The following GPC6 variants were observed in gnomAD, a reference collection of about 807,000 sequenced individuals.
The protein encoded by GPC6 is glypican-6.
GPC6 carries 14 observed loss-of-function variants against 55.2 expected under a neutral mutation model. The ratio of observed to expected loss-of-function variants is 0.25; its 90% confidence interval spans 0.17 to 0.40. GPC6 has a LOEUF of 0.40. Among genes scored for constraint, GPC6 ranks in the 10% least tolerant of loss-of-function variants. GPC6 has a pLI of 1.00. For synonymous variants in GPC6, 278 were observed against 259.6 expected (o/e 1.07, Z -0.68); for missense variants, 641 against 708.5 (o/e 0.90, Z 1.08).
chr13:93,380,942 A>T (rs1050908974), intron 1 of GPC6, among the ~76,000 whole-genome samples: 2 of 152,154 alleles, frequency 1.3e-5, no homozygotes, highest in African/African-American at 4.8e-5. Flanking sequence ...AACTCCAGAT[A>T]GTTGCCTAAA....
At chr13:93,671,102 C>G (rs1475734789) in intron 2 of GPC6, among the ~76,000 whole-genome samples, 1 of 152,086 alleles carries the variant, frequency 6.6e-6, no homozygotes, top group Non-Finnish European at 1.5e-5. Flanking sequence ...AAAGTCTGTG[C>G]CATGAACAAC....
chr13:94,298,911 A>T (rs1875490744), intron 5 of GPC6, among the ~76,000 whole-genome samples: 1 of 152,202 alleles, frequency 6.6e-6, no homozygotes, highest in African/African-American at 2.4e-5. Flanking sequence ...CCTATCATAG[A>T]CACTTGATGA....
At chr13:93,860,606 T>C (rs1021211299) in intron 3 of GPC6, among the ~76,000 whole-genome samples, 7 of 151,644 alleles carry the variant, frequency 4.6e-5, no homozygotes, top group Non-Finnish European at 1.0e-4. Context: ...TTGGATGTGA[T>C]GATGGACTTG....
intron 3 of GPC6, among the ~76,000 whole-genome samples, chr13:93,978,270 G>A (rs1473835255): frequency 6.6e-6 from 1 of 152,150 alleles, no homozygotes; most frequent in Non-Finnish European, 1.5e-5. Flanking sequence ...TTAGCCCAGT[G>A]AGATCTGTGT....
intron 2 of GPC6, among the ~76,000 whole-genome samples, chr13:93,790,534 T>C (rs1184236588): frequency 6.6e-6 from 1 of 152,158 alleles, no homozygotes; most frequent in Non-Finnish European, 1.5e-5. Flanking sequence ...CAATTCTCTC[T>C]TTTGAGTTAG....
chr13:94,386,490 T>G (rs1880416513), intron 7 of GPC6, among the ~76,000 whole-genome samples: 1 of 151,300 alleles, frequency 6.6e-6, no homozygotes, highest in Non-Finnish European at 1.5e-5. Flanking sequence ...CTCAGAAGGC[T>G]GAGGCAGGAG....
chr13:94,116,817 A>G (rs1211849760), intron 4 of GPC6, among the ~76,000 whole-genome samples: 2 of 152,086 alleles, frequency 1.3e-5, no homozygotes, highest in Non-Finnish European at 2.9e-5. Context: ...AAAAGGAGTA[A>G]TGGTTTTCAA....
intron 4 of GPC6, among the ~76,000 whole-genome samples, chr13:94,274,204 G>A (rs935809141): frequency 7.2e-5 from 11 of 152,076 alleles, no homozygotes; most frequent in South Asian, 2.1e-4. Context: ...ATTATTTTCC[G>A]CCACAATTTG....
chr13:93,876,568 T>C (rs1190038357), intron 3 of GPC6, among the ~76,000 whole-genome samples: 1 of 152,086 alleles, frequency 6.6e-6, no homozygotes, highest in Middle Eastern at 3.2e-3. Context: ...TAATACTTAT[T>C]TCTCTTACCT....
intron 1 of GPC6, among the ~76,000 whole-genome samples, chr13:93,455,199 G>A (rs1424364644): frequency 6.6e-6 from 1 of 152,168 alleles, no homozygotes; most frequent in African/African-American, 2.4e-5. Flanking sequence ...TGAGGGAGCC[G>A]GCTCCGGCCT....
intron 3 of GPC6, among the ~76,000 whole-genome samples, chr13:93,947,804 G>A (rs1566617444): frequency 6.6e-6 from 1 of 151,926 alleles, no homozygotes. Context: ...ATAGATTGTG[G>A]AAACCTTGAT....
At chr13:93,371,906 C>T (rs931664081) in intron 1 of GPC6, among the ~76,000 whole-genome samples, 1 of 152,118 alleles carries the variant, frequency 6.6e-6, no homozygotes, top group Non-Finnish European at 1.5e-5. Flanking sequence ...AAACCAGAGC[C>T]CACCATTGGA....
At chr13:93,390,554 A>C (rs1392734418) in intron 1 of GPC6, among the ~76,000 whole-genome samples, 1 of 152,192 alleles carries the variant, frequency 6.6e-6, no homozygotes, top group Non-Finnish European at 1.5e-5. Flanking sequence ...AGGAGTGGAA[A>C]GAGACTGAGA....
intron 1 of GPC6, among the ~76,000 whole-genome samples, chr13:93,516,681 GCAAAA>G (rs1417933900): frequency 6.6e-6 from 1 of 152,040 alleles, no homozygotes; most frequent in Non-Finnish European, 1.5e-5. Flanking sequence ...TATGCACAAA[GCAAAA>G]CAAAACCAAA....
At chr13:93,593,209 A>G (rs956295217) in intron 2 of GPC6, among the ~76,000 whole-genome samples, 15 of 152,126 alleles carry the variant, frequency 9.9e-5, no homozygotes, top group African/African-American at 3.6e-4. Flanking sequence ...GGCAAATTTG[A>G]TTATTTTTAA....
chr13:93,752,443 A>T (rs75596728), intron 2 of GPC6, among the ~76,000 whole-genome samples: 2 of 135,048 alleles, frequency 1.5e-5, no homozygotes, highest in East Asian at 2.1e-4. Context: ...GTTTTACATT[A>T]AAAAAAAAAA....
chr13:94,171,735 C>T (rs909397790), intron 4 of GPC6, among the ~76,000 whole-genome samples: 21 of 152,292 alleles, frequency 1.4e-4, no homozygotes, highest in African/African-American at 4.8e-4. Flanking sequence ...TCTCAGATTT[C>T]CTAACACTTT....
intron 2 of GPC6, among the ~76,000 whole-genome samples, chr13:93,766,483 G>A (rs1050294763): frequency 2.0e-5 from 3 of 152,014 alleles, no homozygotes; most frequent in Admixed American, 2.0e-4. Context: ...TAGATAATAT[G>A]TTAAGTGTTC....
intron 2 of GPC6, among the ~76,000 whole-genome samples, chr13:93,824,934 G>A (rs1169006906): frequency 1.3e-5 from 2 of 151,990 alleles, no homozygotes; most frequent in African/African-American, 2.4e-5. Context: ...GGAAATGGGA[G>A]TATTGACTAC....
Sources: gnomAD v4.1 joint callset for allele counts (sites outside exome capture counted in the v4.1 genomes callset) on GRCh38, gnomAD v4.1.1 for gene constraint, MANE v1.5 for transcripts, NCBI Gene and HGNC (gene_info 2026-07-23, HGNC 2026-07-21) for gene names.